Variants in SLC25A5 observed in about 807,000 individuals in gnomAD.
SLC25A5 encodes the protein solute carrier family 25 member 5, also known as ADP/ATP translocase 2.
A neutral mutation model predicts 16.5 loss-of-function variants in SLC25A5; 4 were observed. The observed-to-expected ratio is 0.24, with a 90% confidence interval of 0.12 to 0.56. The LOEUF (loss-of-function observed/expected upper bound fraction) is 0.56. SLC25A5 is among the 20% of genes least tolerant of loss of function. The pLI is 0.93. For synonymous variants in SLC25A5, 60 were observed against 95.2 expected, an observed-to-expected ratio of 0.63 and a Z score of 2.15; for missense variants, 88 against 248.0, an observed-to-expected ratio of 0.35 and a Z score of 4.33.
intron 1 of SLC25A5, 98 bp downstream of exon 1, chrX:119,468,724 A>C: frequency 2.8e-6 from 2 of 718,003 alleles, no homozygotes; most frequent in Non-Finnish European, 4.2e-6. Flanking sequence ...CTCTAAAGAC[A>C]TGGCCAGGGA....
intron 1 of SLC25A5, chrX:119,469,003 A>C: frequency 6.6e-6 from 1 of 150,981 alleles, no homozygotes; most frequent in East Asian, 1.7e-4. Context: ...AGGTCGCGGC[A>C]AGGAGATAAC....
rs200356671 is a variant in SLC25A5, at chrX:119,468,468, G to A, written c.-48G>A. The A allele has an allele frequency of 5.8e-5, 64 of 1,107,248 alleles. No homozygotes were observed. The African/African-American group carries it at 6.2e-4, about 11-fold the overall frequency. 91.2% of individuals were successfully genotyped at this position (1,107,248 alleles called of 1,213,427 possible). A position where few individuals can be genotyped will look rare whatever the true frequency, so the allele number is the denominator to read the frequency against. On this transcript the variant is annotated 5_prime_UTR_variant, in exon 1 of 4. Transcript: ENST00000317881. ...GCCCCGCAGCGCCGGAGTCAAAGCCGGTTCCCGGCCCAGTCCCGTCCTGCA... is the reference window on the plus strand; with the variant it reads ...GCCCCGCAGCGCCGGAGTCAAAGCCAGTTCCCGGCCCAGTCCCGTCCTGCA...
In SLC25A5 at chrX:119,468,628, T is replaced by A; in HGVS notation, c.111+2T>A. ...GAGCGGGTCAAGCTGCTGCTGCAGG[T>A]ACGTCCTGGGATCCAGGAGCCCAAC... On this transcript the variant is annotated splice_donor_variant, in intron 1 of 3. Transcript: ENST00000317881. LOFTEE classifies it high-confidence loss of function. The A allele has an allele frequency of 8.3e-7, 1 of 1,199,447 alleles. No individual in the cohort carries two copies. The highest frequency in any genetic ancestry group is 1.1e-6 in the Non-Finnish European group (1 of 888,271).
chrX:119,471,164 A>C lies in SLC25A5; in HGVS notation c.*106A>C, dbSNP rs1603301356. 3 of 694,282 alleles carry C rather than the reference A, an allele frequency of 4.3e-6. No homozygotes were observed. The highest frequency in any genetic ancestry group is 7.0e-5 in the East Asian group (2 of 28,465). The allele number at this position is 694,282 out of a possible 1,213,427, so 57.2% of individuals were successfully genotyped here. On this transcript the variant is annotated 3_prime_UTR_variant, in exon 4 of 4. Transcript: ENST00000317881. ...GGCTGTCAGTTTCTCAGTGGCAACTATTTACTGGTTGAAAATGGGAAGCAA... is the reference window on the plus strand; with the variant it reads ...GGCTGTCAGTTTCTCAGTGGCAACTCTTTACTGGTTGAAAATGGGAAGCAA...
At chrX:119,468,684 G>A in intron 1 of SLC25A5, 58 bp downstream of exon 1, 6 of 1,026,575 alleles carry the variant, frequency 5.8e-6, no homozygotes, top group Non-Finnish European at 8.0e-6. Flanking sequence ...CGCACAGAAG[G>A]CGGGCGCCCG....
intron 3 of SLC25A5, 84 bp downstream of exon 3, chrX:119,470,597 G>A: frequency 1.9e-6 from 2 of 1,072,240 alleles, no homozygotes; most frequent in South Asian, 4.2e-5. Context: ...CTTTAAAATG[G>A]CTGTCTGTCC....
rs1465426117 is a variant in SLC25A5, at chrX:119,468,456, G to T, written c.-60G>T. 4.9e-6 allele frequency: 5 copies of T among 1,024,000 alleles called. No individual in the cohort carries two copies. The highest frequency in any genetic ancestry group is 6.8e-6 in the Non-Finnish European group (5 of 732,969). The allele number at this position is 1,024,000 out of a possible 1,213,427, so 84.4% of individuals were successfully genotyped here. On this transcript the variant is annotated 5_prime_UTR_variant, in exon 1 of 4. Transcript: ENST00000317881. The stretch of plus-strand genomic sequence containing the variant: ...TTGCTTCGCTCCGCCCCGCAGCGCC[G>T]GAGTCAAAGCCGGTTCCCGGCCCAG...
chrX:119,470,861 C>A (rs767596211), intron 3 of SLC25A5, 40 bp from the exon 4 acceptor site: 1 of 1,173,246 alleles, frequency 8.5e-7, no homozygotes, highest in South Asian at 1.9e-5. Flanking sequence ...GATTTTTCAT[C>A]GGCCTTCAGT....
intron 1 of SLC25A5, 91 bp from the exon 2 acceptor site, chrX:119,469,570 T>A (rs1404727004): frequency 2.6e-5 from 27 of 1,042,949 alleles, no homozygotes; most frequent in Non-Finnish European, 3.4e-5. Flanking sequence ...GGAGCCTACC[T>A]TAAAGGGCAT....
rs765328027 is a variant in SLC25A5 at position 119,468,485 on chromosome X, C to T, written c.-31C>T. The T allele has an allele frequency of 6.1e-5, 70 of 1,154,509 alleles. No individual in the cohort carries two copies. The Middle Eastern group carries it at 9.5e-4, about 16-fold the overall frequency. On this transcript the variant is annotated 5_prime_UTR_variant, in exon 1 of 4. Coordinates refer to ENST00000317881, the MANE Select transcript of SLC25A5 (RefSeq NM_001152.5). The stretch of plus-strand genomic sequence containing the variant: ...TCAAAGCCGGTTCCCGGCCCAGTCC[C>T]GTCCTGCAGCAGTCTGCCTCCTCTT...
intron 3 of SLC25A5, 30 bp downstream of exon 3, chrX:119,470,543 TGTA>T (rs1290484698): frequency 3.3e-6 from 4 of 1,194,220 alleles, no homozygotes; most frequent in Admixed American, 2.2e-5. Context: ...AAGATAAAGT[TGTA>T]GTCGTGGGGC....
chrX:119,470,837 C>A, intron 3 of SLC25A5, 64 bp from the exon 4 acceptor site: 1 of 1,123,659 alleles, frequency 8.9e-7, no homozygotes, highest in Non-Finnish European at 1.2e-6. Context: ...TTTATTTAGC[C>A]TAGTGAATCT....
At position 119,468,635 on chromosome X, in the gene SLC25A5, T is replaced by C; in HGVS notation, c.111+9T>C. The C allele has an allele frequency of 8.4e-7, 1 of 1,193,013 alleles. No individual in the cohort carries two copies. Among genetic ancestry groups the C allele is most frequent in the Non-Finnish European group, 1.1e-6 (1 of 883,126 alleles). On this transcript the variant is annotated intron_variant, in intron 1 of 3. Coordinates refer to ENST00000317881, the MANE Select transcript of SLC25A5 (RefSeq NM_001152.5). ...TCAAGCTGCTGCTGCAGGTACGTCC[T>C]GGGATCCAGGAGCCCAACCAGGAAG... is the stretch of plus-strand genomic sequence containing the variant.
Position 119,471,147 on chromosome X carries a change from G to C in SLC25A5, c.*89G>C, listed in dbSNP as rs755825025. 3 of 812,629 alleles carry C rather than the reference G, an allele frequency of 3.7e-6. No homozygotes were observed. In the East Asian group the frequency reaches 1.0e-4, roughly 28 times the overall value. The allele number at this position is 812,629 out of a possible 1,213,427, so 67.0% of individuals were successfully genotyped here. A position where few individuals can be genotyped will look rare whatever the true frequency, so the allele number is the denominator to read the frequency against. On this transcript the variant is annotated 3_prime_UTR_variant, in exon 4 of 4. Transcript: ENST00000317881. ...ATTCTTGACAGACTCCTGGCTGTCA[G>C]TTTCTCAGTGGCAACTATTTACTGG... is the stretch of plus-strand genomic sequence containing the variant.
chrX:119,470,364 T>A lies in SLC25A5; in HGVS notation c.599-9T>A. On this transcript the variant is annotated splice_polypyrimidine_tract_variant and intron_variant, in intron 2 of 3. Coordinates refer to ENST00000317881, the MANE Select transcript of SLC25A5 (RefSeq NM_001152.5). Reference sequence around the variant, plus strand: ...CTTTTTGGTAAAAGCATCTCTTTCCTATTCCCAGGAATGCTTCCGGATCCC... The same window carrying A: ...CTTTTTGGTAAAAGCATCTCTTTCCAATTCCCAGGAATGCTTCCGGATCCC... The A allele has an allele frequency of 2.4e-6, 2 of 841,431 alleles. No individual in the cohort carries two copies. The highest frequency in any genetic ancestry group is 7.5e-4 in the Middle Eastern group (2 of 2,668). The allele number at this position is 841,431 out of a possible 1,213,427, so 69.3% of individuals were successfully genotyped here.
chrX:119,470,348 A>G (rs199938702), intron 2 of SLC25A5, 25 bp from the exon 3 acceptor site: 23 of 1,020,500 alleles, frequency 2.3e-5, no homozygotes, highest in Non-Finnish European at 2.8e-5. Flanking sequence ...GCTTTTTGGT[A>G]AAAGCATCTC....
intron 2 of SLC25A5, 58 bp from the exon 3 acceptor site, chrX:119,470,315 G>A: frequency 1.7e-6 from 2 of 1,177,709 alleles, no homozygotes; most frequent in South Asian, 3.7e-5. Context: ...GGGGATGTGG[G>A]GAAAGGAAGT....
chrX:119,468,923 C>G (rs146446105), intron 1 of SLC25A5: 16,244 of 304,618 alleles, frequency 0.053, 424 homozygotes, highest in South Asian at 0.12. Context: ...CTCCCCGGGC[C>G]TGGGCGTCAA....
chrX:119,470,172 T>G, intron 2 of SLC25A5, 25 bp downstream of exon 2: 1 of 1,163,406 alleles, frequency 8.6e-7, no homozygotes, highest in African/African-American at 1.8e-5. Context: ...GGCTTTAACG[T>G]TGTGTTCTTA....
Sources: allele counts gnomAD v4.1 joint callset, GRCh38; gene constraint gnomAD v4.1.1; transcripts MANE v1.5; gene names NCBI Gene and HGNC (gene_info 2026-07-23, HGNC 2026-07-21).